MYH7B: variants seen among roughly 807,000 people sequenced by gnomAD.
The protein encoded by MYH7B is myosin-7B.
Under a neutral mutation model 234.5 loss-of-function variants are expected in MYH7B, and 205 were observed. The observed-to-expected ratio is 0.87, with a 90% CI of 0.78 to 0.98. The LOEUF (loss-of-function observed/expected upper bound fraction) is 0.98, where lower values mean the gene tolerates loss of function less well. MYH7B is among the 50% of genes least tolerant of loss of function. MYH7B has a pLI of 0.00. For missense variants in MYH7B, 2,652 were observed against 2,633.4 expected, an observed-to-expected ratio of 1.01 and a Z score of -0.15; for synonymous variants, 1,193 against 1,105.0, an observed-to-expected ratio of 1.08 and a Z score of -1.58.
At chr20:34,995,997 A>G (rs1246427065) in intron 28 of MYH7B, among the ~76,000 whole-genome samples, 1 of 147,042 alleles carries the variant, frequency 6.8e-6, no homozygotes, top group Middle Eastern at 3.3e-3. Flanking sequence ...ACAGGAGGGA[A>G]AGTGAGGCAG....
intron 8 of MYH7B, 58 bp downstream of exon 8, chr20:34,980,792 C>A (rs111960403): frequency 6.3e-7 from 1 of 1,593,334 alleles, no homozygotes; most frequent in African/African-American, 1.3e-5. Flanking sequence ...CCCGGGAGGC[C>A]TCTGTAAGGG....
chr20:34,977,833 A>G, intron 4 of MYH7B, 101 bp from the exon 5 acceptor site: 2 of 1,532,706 alleles, frequency 1.3e-6, no homozygotes, highest in South Asian at 2.3e-5. Flanking sequence ...CACTCACCCA[A>G]GGAGGCTGCA....
chr20:34,974,226 CT>C (rs1184689535), intron 2 of MYH7B, among the ~76,000 whole-genome samples: 1,974 of 123,358 alleles, frequency 0.016, 22 homozygotes, highest in African/African-American at 0.039. Context: ...CATGCCCAGC[CT>C]TTTTTTTTTT....
At chr20:34,958,554 C>T (rs550957779) in intron 2 of MYH7B, among the ~76,000 whole-genome samples, 61 of 152,304 alleles carry the variant, frequency 4.0e-4, no homozygotes, top group African/African-American at 1.3e-3. Flanking sequence ...CAACCTCTGT[C>T]TCCTGGGTTC....
rs71196770 is a variant in MYH7B at position 34,957,484 on chromosome 20, CT to C, written c.-336-593del. Among the ~76,000 whole-genome samples the C allele has an allele frequency of 2.3e-3, 237 of 104,332 alleles. 2 individuals are homozygous for C. The highest frequency in any genetic ancestry group is 9.4e-3 in the South Asian group (26 of 2,770). The allele number at this position is 104,332 out of a possible 152,430, so 68.4% of individuals were successfully genotyped here. On this transcript the variant is annotated intron_variant, in intron 1 of 44. Transcript: ENST00000262873. Reference sequence around the variant, plus strand: ...CCCAGGGACCAAGATCCTTTTGACTCTTTTTTTTTTTTTTTTTTTTTGAGAC... The same window carrying C: ...CCCAGGGACCAAGATCCTTTTGACTCTTTTTTTTTTTTTTTTTTTTGAGAC...
chr20:34,984,650 C>T (rs368976165), intron 10 of MYH7B, 42 bp from the exon 11 acceptor site: 91 of 1,593,966 alleles, frequency 5.7e-5, no homozygotes, highest in African/African-American at 9.5e-5. Context: ...CCTTCCCCAC[C>T]GGAGGCCTGG....
intron 14 of MYH7B, 127 bp downstream of exon 14, chr20:34,986,325 T>A: frequency 1.4e-6 from 1 of 714,882 alleles, no homozygotes; most frequent in Non-Finnish European, 2.4e-6. Flanking sequence ...TGGCCTCTCT[T>A]CCTTCTTGGG....
intron 14 of MYH7B, 146 bp downstream of exon 14, chr20:34,986,344 T>C: frequency 1.5e-6 from 1 of 660,712 alleles, no homozygotes; most frequent in Non-Finnish European, 2.6e-6. Context: ...GGACTTTTGG[T>C]TACTTTCCTG....
intron 32 of MYH7B, among the ~76,000 whole-genome samples, chr20:34,997,888 A>T (rs554050560): frequency 6.6e-6 from 1 of 151,988 alleles, no homozygotes; most frequent in South Asian, 2.1e-4. Context: ...AGACCCTTGA[A>T]CCAGCAGTAG....
At position 34,968,084 on chromosome 20, in the gene MYH7B, C is replaced by A. The variant is rs149054227; in HGVS notation, c.-221-7316C>A. Among the ~76,000 whole-genome samples, 286 of 152,340 alleles carry A rather than the reference C, an allele frequency of 1.9e-3. 1 individual carries two copies. Among genetic ancestry groups the A allele is most frequent in the South Asian group, 8.1e-3 (39 of 4,830 alleles). On this transcript the variant is annotated intron_variant, in intron 2 of 44. Coordinates refer to ENST00000262873, the Ensembl canonical transcript of MYH7B. The stretch of plus-strand genomic sequence containing the variant: ...GCTGAGCACTTTGTTTCATTTATTT[C>A]TCTCAACCACATTACAAGGTAGGTC...
chr20:34,961,487 T>C (rs1442830045), intron 2 of MYH7B, among the ~76,000 whole-genome samples: 1 of 152,208 alleles, frequency 6.6e-6, no homozygotes, highest in Non-Finnish European at 1.5e-5. Flanking sequence ...ATGCAATGTT[T>C]ATTGAGATAT....
exon 42 of MYH7B, chr20:35,001,273 C>T: frequency 6.2e-7 from 1 of 1,612,550 alleles, no homozygotes; most frequent in Non-Finnish European, 8.5e-7. Flanking sequence ...GAGCTTGATG[C>T]AGAGCAGAAG....
At chr20:35,001,885 G>A in intron 43 of MYH7B, 63 bp from the exon 44 acceptor site, 1 of 1,567,866 alleles carries the variant, frequency 6.4e-7, no homozygotes. Flanking sequence ...TTGGACTGGG[G>A]CAGGGACCAG....
intron 19 of MYH7B, 78 bp downstream of exon 19, chr20:34,988,340 G>A: frequency 6.7e-7 from 1 of 1,487,008 alleles, no homozygotes; most frequent in South Asian, 1.3e-5. Flanking sequence ...ACCATGGCTT[G>A]CATGGAAGCC....
chr20:34,982,984 G>A (rs1014417486), intron 10 of MYH7B, among the ~76,000 whole-genome samples: 1 of 152,258 alleles, frequency 6.6e-6, no homozygotes, highest in Admixed American at 6.5e-5. Context: ...AGCAGCCGGG[G>A]TTGGCAGGGC....
rs548461941 is a variant in MYH7B, at chr20:34,987,976, G to A, written c.1416+62G>A. 3.0e-4 allele frequency: 466 copies of A among 1,556,976 alleles called. 5 individuals are homozygous for A. In the South Asian group the frequency reaches 5.3e-3, roughly 18 times the overall value. ...CAAGGTAGAGGACATGGGCCTGTGG[G>A]GGGGCAGAAGCCCTGGCCTTCTGCC... is the stretch of plus-strand genomic sequence containing the variant. On this transcript the variant is annotated intron_variant, in intron 18 of 44. Transcript: ENST00000262873.
At chr20:34,985,004 G>C in intron 12 of MYH7B, 58 bp downstream of exon 12, 1 of 1,609,636 alleles carries the variant, frequency 6.2e-7, no homozygotes, top group South Asian at 1.1e-5. Context: ...GCGGCAGGTC[G>C]GGCACAGGTG....
chr20:34,984,104 C>T (rs2081980410), intron 10 of MYH7B, among the ~76,000 whole-genome samples: 2 of 152,218 alleles, frequency 1.3e-5, no homozygotes, highest in African/African-American at 4.8e-5. Flanking sequence ...GATCCACTCC[C>T]TGCCCAGAGC....
intron 2 of MYH7B, among the ~76,000 whole-genome samples, chr20:34,971,069 G>C (rs1323656594): frequency 2.0e-5 from 3 of 152,146 alleles, no homozygotes; most frequent in Non-Finnish European, 2.9e-5. Context: ...ATCACTCTTG[G>C]GGGCAGCCAG....
Sources: allele counts gnomAD v4.1 joint callset (sites outside exome capture counted in the v4.1 genomes callset), GRCh38; gene constraint gnomAD v4.1.1; transcripts MANE v1.5; gene names NCBI Gene and HGNC (gene_info 2026-07-23, HGNC 2026-07-21).